GRM1: variants seen among roughly 807,000 people sequenced by gnomAD.
GRM1 encodes the protein metabotropic glutamate receptor 1.
GRM1 carries 33 observed loss-of-function variants against 90.9 expected under a neutral mutation model. That is an observed-to-expected ratio of 0.36 (90% CI 0.28 to 0.49). The LOEUF (loss-of-function observed/expected upper bound fraction) is 0.49, where lower values mean the gene tolerates loss of function less well. GRM1 is among the 20% of genes least tolerant of loss of function. GRM1 has a pLI of 0.99. For synonymous variants in GRM1, 700 were observed against 613.2 expected, an observed-to-expected ratio of 1.14 and a Z score of -2.09; for missense variants, 1,190 against 1,534.3, an observed-to-expected ratio of 0.78 and a Z score of 3.75.
At chr6:146,134,108 C>T (rs924210968) in intron 1 of GRM1, among the ~76,000 whole-genome samples, 9 of 152,160 alleles carry the variant, frequency 5.9e-5, no homozygotes, top group South Asian at 2.1e-4. Flanking sequence ...GTGGTCTACC[C>T]GCTATAGATG....
chr6:146,052,586 G>T (rs377383262), intron 1 of GRM1, among the ~76,000 whole-genome samples: 50 of 152,124 alleles, frequency 3.3e-4, no homozygotes, highest in African/African-American at 1.1e-3. Context: ...TCAGCCATGG[G>T]TCTCCTTGCC....
At chr6:146,304,976 A>G in intron 3 of GRM1, 130 bp downstream of exon 3, 1 of 726,224 alleles carries the variant, frequency 1.4e-6, no homozygotes. Flanking sequence ...CTGTGTTTAT[A>G]AAATGCTAGA....
chr6:146,056,756 G>A (rs1038190978), intron 1 of GRM1, among the ~76,000 whole-genome samples: 4 of 152,078 alleles, frequency 2.6e-5, no homozygotes, highest in African/African-American at 9.7e-5. Context: ...TGAACTATGC[G>A]ATTTCTCCAA....
intron 3 of GRM1, among the ~76,000 whole-genome samples, chr6:146,322,621 C>A (rs1455112828): frequency 9.2e-6 from 1 of 108,894 alleles, no homozygotes; most frequent in Non-Finnish European, 1.6e-5. Context: ...TATTGTTATA[C>A]TTTAAGTTTT....
chr6:146,257,149 G>T (rs6905255), intron 2 of GRM1, among the ~76,000 whole-genome samples: 1 of 151,588 alleles, frequency 6.6e-6, no homozygotes, highest in African/African-American at 2.4e-5. Flanking sequence ...TAATTAATTC[G>T]TTCATTAGCA....
intron 1 of GRM1, among the ~76,000 whole-genome samples, chr6:146,057,356 G>A (rs151232282): frequency 2.2e-4 from 34 of 152,134 alleles, no homozygotes; most frequent in African/African-American, 7.2e-4. Flanking sequence ...CCAGTGTAGC[G>A]GAATAACCTA....
chr6:146,288,170 A>G (rs1337811955), intron 2 of GRM1, among the ~76,000 whole-genome samples: 1 of 152,194 alleles, frequency 6.6e-6, no homozygotes. Flanking sequence ...ATGGCTGTTA[A>G]TGACCCTGTT....
intron 2 of GRM1, among the ~76,000 whole-genome samples, chr6:146,272,341 G>C (rs750959209): frequency 6.6e-6 from 1 of 152,086 alleles, no homozygotes; most frequent in Non-Finnish European, 1.5e-5. Context: ...AAACATTATC[G>C]GTTGCATTTT....
In GRM1 at chr6:146,404,495, A is replaced by G. The variant is rs1270133221; in HGVS notation, c.2660+4796A>G. ...AGAGATTAAGTCCAGTTAATGGAGT[A>G]GTATCTGTAGAAGGATTGGAAAGAT... On this transcript the variant is annotated intron_variant, in intron 7 of 7. Transcript: ENST00000282753. Among the ~76,000 whole-genome samples, 3 of 152,296 alleles carry G rather than the reference A, an allele frequency of 2.0e-5. No homozygotes were observed. The East Asian group carries it at 5.8e-4, about 29-fold the overall frequency.
At chr6:146,289,370 AC>A (rs1782894956) in intron 2 of GRM1, among the ~76,000 whole-genome samples, 1 of 152,214 alleles carries the variant, frequency 6.6e-6, no homozygotes. Context: ...AATTAGAAAA[AC>A]GTCTATGGAA....
In GRM1 at chr6:146,159,646, C is replaced by T. The variant is rs369493244; in HGVS notation, c.950+49C>T. 1.2e-4 allele frequency: 183 copies of T among 1,498,178 alleles called. No individual in the cohort carries two copies. The East Asian group carries it at 3.6e-3, about 30-fold the overall frequency. The allele number at this position is 1,498,178 out of a possible 1,614,324, so 92.8% of individuals were successfully genotyped here. ...TCTCTCTCTCTCTCTCTCTCTCACACACACACATGCACACACACACTTTGA... is the reference window on the plus strand; with the variant it reads ...TCTCTCTCTCTCTCTCTCTCTCACATACACACATGCACACACACACTTTGA... On this transcript the variant is annotated intron_variant, in intron 2 of 7. Transcript: ENST00000282753.
chr6:146,185,366 T>C (rs1352298795), intron 2 of GRM1, among the ~76,000 whole-genome samples: 1 of 152,220 alleles, frequency 6.6e-6, no homozygotes, highest in East Asian at 1.9e-4. Context: ...CAGCCAAGAC[T>C]GTGAAAGCTG....
At chr6:146,043,153 T>C (rs963774857) in intron 1 of GRM1, among the ~76,000 whole-genome samples, 6 of 151,776 alleles carry the variant, frequency 4.0e-5, no homozygotes, top group African/African-American at 1.5e-4. Context: ...AAAATAACCG[T>C]GCATGGTGGC....
intron 1 of GRM1, among the ~76,000 whole-genome samples, chr6:146,112,844 C>A (rs1349484555): frequency 6.6e-6 from 1 of 152,040 alleles, no homozygotes; most frequent in African/African-American, 2.4e-5. Context: ...CATAGAAGGT[C>A]ACCTTCAAAT....
At chr6:146,229,653 T>C (rs1450300508) in intron 2 of GRM1, among the ~76,000 whole-genome samples, 2 of 152,178 alleles carry the variant, frequency 1.3e-5, no homozygotes, top group African/African-American at 4.8e-5. Context: ...CCCATAATTC[T>C]ATGAATTTAT....
intron 1 of GRM1, among the ~76,000 whole-genome samples, chr6:146,104,448 GA>G (rs200866085): frequency 3.4e-5 from 5 of 145,284 alleles, no homozygotes; most frequent in South Asian, 2.2e-4. Flanking sequence ...TCAAAAAAAA[GA>G]AAAAAAAAAG....
chr6:146,277,701 T>TA (rs1459596364), intron 2 of GRM1, among the ~76,000 whole-genome samples: 1 of 152,192 alleles, frequency 6.6e-6, no homozygotes, highest in Non-Finnish European at 1.5e-5. Context: ...ATCCATTTGT[T>TA]ACAATATATT....
intron 1 of GRM1, among the ~76,000 whole-genome samples, chr6:146,116,556 C>T (rs1231431342): frequency 6.6e-6 from 1 of 151,904 alleles, no homozygotes; most frequent in Admixed American, 6.6e-5. Flanking sequence ...AGATAAAATC[C>T]ACAGTGAATT....
chr6:146,043,782 G>GATATATATATATATAT lies in GRM1; in HGVS notation c.700+13579_700+13594dup, dbSNP rs3064997. On this transcript the variant is annotated intron_variant, in intron 1 of 7. Transcript: ENST00000282753. Reference sequence around the variant, plus strand: ...ACTCTATTTTTGGAAAGAGTCAGGTGATATATATATATATATATATATATA... The same window carrying GATATATATATATATAT: ...ACTCTATTTTTGGAAAGAGTCAGGTGATATATATATATATATATATATATATATATATATATATATA... 2.4e-3 allele frequency among the ~76,000 whole-genome samples: 215 copies of GATATATATATATATAT among 89,894 alleles called. 2 individuals are homozygous for GATATATATATATATAT. Among genetic ancestry groups the GATATATATATATATAT allele is most frequent in the African/African-American group, 4.3e-3 (127 of 29,446 alleles). 59.0% of individuals were successfully genotyped at this position (89,894 alleles called of 152,430 possible).
Sources: gnomAD v4.1 joint callset for allele counts (sites outside exome capture counted in the v4.1 genomes callset) on GRCh38, gnomAD v4.1.1 for gene constraint, MANE v1.5 for transcripts, NCBI Gene and HGNC (gene_info 2026-07-23, HGNC 2026-07-21) for gene names.